The following SAP130 variants were observed in gnomAD, a reference collection of about 807,000 sequenced individuals.
SAP130 encodes Sin3A associated protein 130.
Under a neutral mutation model 103.2 loss-of-function variants are expected in SAP130, and 16 were observed. The observed-to-expected ratio is 0.16, with a 90% CI of 0.10 to 0.24. The LOEUF (loss-of-function observed/expected upper bound fraction) is 0.24. Among genes scored for constraint, SAP130 ranks in the 10% least tolerant of loss-of-function variants. The pLI, the probability that SAP130 is intolerant of heterozygous loss-of-function variation, is 1.00. For missense variants in SAP130, 990 were observed against 1,359.7 expected (o/e 0.73, Z 4.28); for synonymous variants, 477 against 497.0 (o/e 0.96, Z 0.53).
intron 15 of SAP130, among the ~76,000 whole-genome samples, chr2:127,959,533 T>C (rs1192966916): frequency 2.0e-5 from 3 of 152,234 alleles, no homozygotes; most frequent in Non-Finnish European, 4.4e-5. Flanking sequence ...ACTGATCACC[T>C]GGCAGTAACA....
intron 15 of SAP130, among the ~76,000 whole-genome samples, chr2:127,958,224 C>T (rs1307329132): frequency 6.6e-6 from 1 of 152,194 alleles, no homozygotes; most frequent in East Asian, 1.9e-4. Flanking sequence ...ACCAGCCTGG[C>T]CAACATGGGG....
Position 127,986,419 on chromosome 2 carries a change from G to A in SAP130, c.1958+366C>T, listed in dbSNP as rs985427971. The stretch of plus-strand genomic sequence containing the variant: ...GAACTTTTCCCGTTTCAACAGCAAC[G>A]ATTCATGCTGAATGAAGTTTATAGT... On this transcript the variant is annotated intron_variant, in intron 14 of 20. Transcript: ENST00000643581. The surrounding 1 kb of genome is among the most constrained non-coding windows in gnomAD (Gnocchi z 4.7). Among the ~76,000 whole-genome samples the A allele has an allele frequency of 2.6e-5, 4 of 152,204 alleles. No individual in the cohort carries two copies. Among genetic ancestry groups the A allele is most frequent in the Non-Finnish European group, 5.9e-5 (4 of 68,030 alleles).
At chr2:127,982,180 A>T (rs1681993867) in intron 14 of SAP130, among the ~76,000 whole-genome samples, 1 of 150,854 alleles carries the variant, frequency 6.6e-6, no homozygotes. Flanking sequence ...CAAAAAAAAA[A>T]AATTTAGGGT....
In SAP130 at chr2:127,986,905, C is replaced by A; in HGVS notation, c.1838G>T (p.Ser613Ile). 3 of 1,614,098 alleles carry A rather than the reference C, an allele frequency of 1.9e-6. No individual in the cohort carries two copies. The highest frequency in any genetic ancestry group is 2.5e-6 in the Non-Finnish European group (3 of 1,179,954). The change falls in exon 14 of 21, where the codon AGT becomes ATT. Residue 613 changes from serine (S) to isoleucine (I), a missense_variant. Ser to Ile is a moderately radical substitution (Grantham distance 142). This residue lies in a region of SAP130 where 349 missense variants were observed against 384.1 expected (regional missense o/e 0.91). Coordinates refer to ENST00000643581, the MANE Select transcript of SAP130 (RefSeq NM_001330301.2). The surrounding 1 kb of genome is among the most constrained non-coding windows in gnomAD (Gnocchi z 4.7). ...IVANPISNPF[S>I]AAPAATTVVQ... The stretch of plus-strand genomic sequence containing the variant: ...CACGGTTGTTGCTGCTGGAGCAGCA[C>A]TGAATGGATTGCTAATAGGGTTGGC...
intron 2 of SAP130, among the ~76,000 whole-genome samples, chr2:128,018,829 G>C (rs1443668395): frequency 4.6e-5 from 7 of 151,078 alleles, no homozygotes; most frequent in Non-Finnish European, 1.0e-4. Context: ...TGGGGGCTGA[G>C]CACAGCCTGT....
chr2:127,960,344 G>C (rs1377527723), intron 15 of SAP130, among the ~76,000 whole-genome samples: 1 of 152,120 alleles, frequency 6.6e-6, no homozygotes, highest in Non-Finnish European at 1.5e-5. Context: ...ACCGAGTCCA[G>C]ACAGGCACCG....
chr2:127,944,970 G>GA (rs1198511632), intron 19 of SAP130, among the ~76,000 whole-genome samples: 1 of 150,998 alleles, frequency 6.6e-6, no homozygotes, highest in Non-Finnish European at 1.5e-5. Flanking sequence ...GAATGATGAT[G>GA]TGTGTGACTG....
At chr2:127,979,144 A>G (rs1681682947) in intron 14 of SAP130, among the ~76,000 whole-genome samples, 1 of 152,172 alleles carries the variant, frequency 6.6e-6, no homozygotes, top group Admixed American at 6.6e-5. Flanking sequence ...AAGGGAAGGG[A>G]GATTTGAGAC....
intron 12 of SAP130, 128 bp downstream of exon 12, chr2:127,993,059 T>C (rs1682921941): frequency 8.2e-7 from 1 of 1,216,634 alleles, no homozygotes; most frequent in Non-Finnish European, 1.2e-6. Context: ...AGCTTCACAT[T>C]TTATCTGAAT....
intron 3 of SAP130, among the ~76,000 whole-genome samples, chr2:128,017,212 C>T (rs1684844543): frequency 6.6e-6 from 1 of 152,170 alleles, no homozygotes; most frequent in Non-Finnish European, 1.5e-5. Context: ...ATACCAGCTA[C>T]TTGGGAGGCT....
At chr2:128,007,038 AAATTC>A (rs1194661764) in intron 7 of SAP130, among the ~76,000 whole-genome samples, 1 of 152,256 alleles carries the variant, frequency 6.6e-6, no homozygotes, top group Non-Finnish European at 1.5e-5. Flanking sequence ...GCATTCAACA[AAATTC>A]AATATCCAGG....
At position 127,942,346 on chromosome 2, in the gene SAP130, G is replaced by T. The variant is rs1003760128; in HGVS notation, c.3015+78C>A. ...TTACTGAAGATATGAGGGAGACGGG[G>T]GGAAACGGGAGAAGTAGGGCTTTAC... is the stretch of plus-strand genomic sequence containing the variant. On this transcript the variant is annotated intron_variant, in intron 20 of 20. Transcript: ENST00000643581. This position sits in a 1 kb window ranked among gnomAD's most constrained non-coding sequence, Gnocchi z 4.8. The T allele has an allele frequency of 1.2e-5, 14 of 1,148,684 alleles. No individual in the cohort carries two copies. The highest frequency in any genetic ancestry group is 4.6e-5 in the African/African-American group (3 of 65,844). The allele number at this position is 1,148,684 out of a possible 1,614,324, so 71.2% of individuals were successfully genotyped here.
chr2:128,026,375 G>T, intron 1 of SAP130, 77 bp from the exon 2 acceptor site: 1 of 1,010,694 alleles, frequency 9.9e-7, no homozygotes, highest in Non-Finnish European at 1.6e-6. Context: ...AGCATCTTTA[G>T]TACCTATGAG....
Position 127,945,468 on chromosome 2 carries a change from C to T in SAP130, c.2889G>A (p.Gln963=), listed in dbSNP as rs1679011417. 1 of 1,603,058 alleles carries T rather than the reference C, an allele frequency of 6.2e-7. No homozygotes were observed. The highest frequency in any genetic ancestry group is 8.5e-7 in the Non-Finnish European group (1 of 1,169,978). ...GAACTCCACCTACCAGCTGTAGTAA[C>T]TGGGCAGCACAGAGGTGGACTTTCC... ...QGWKVHLCAA[Q]LLQLTNLEHD... is the part of the protein sequence containing the mutation. The change falls in exon 19 of 21, where the codon CAG becomes CAA. Residue 963 remains glutamine, a synonymous_variant. Coordinates refer to ENST00000643581, the MANE Select transcript of SAP130 (RefSeq NM_001330301.2).
intron 15 of SAP130, among the ~76,000 whole-genome samples, chr2:127,973,316 T>G (rs998758655): frequency 6.6e-6 from 1 of 152,240 alleles, no homozygotes; most frequent in Non-Finnish European, 1.5e-5. Context: ...CACTGCAACC[T>G]CTGCCTCCTG....
intron 7 of SAP130, among the ~76,000 whole-genome samples, chr2:128,007,475 T>C (rs1416849020): frequency 6.6e-6 from 1 of 152,222 alleles, no homozygotes; most frequent in Non-Finnish European, 1.5e-5. Context: ...GATGACTGTA[T>C]ATCCATTTAT....
chr2:127,980,896 T>TCAA (rs61511870), intron 14 of SAP130, among the ~76,000 whole-genome samples: 12 of 150,510 alleles, frequency 8.0e-5, no homozygotes, highest in Non-Finnish European at 8.9e-5. Flanking sequence ...GACCCCCATC[T>TCAA]CAACAACAAC....
intron 14 of SAP130, among the ~76,000 whole-genome samples, chr2:127,984,064 T>C (rs1020096098): frequency 2.0e-5 from 3 of 152,122 alleles, no homozygotes; most frequent in African/African-American, 4.8e-5. Flanking sequence ...GTTCTTTTTA[T>C]TGTTGTTTTA....
intron 16 of SAP130, among the ~76,000 whole-genome samples, chr2:127,952,887 G>A (rs1679589231): frequency 6.6e-6 from 1 of 152,054 alleles, no homozygotes; most frequent in South Asian, 2.1e-4. Context: ...ACTAGATCAT[G>A]GACTGCTTCT....
Sources: gnomAD v4.1 joint callset for allele counts (sites outside exome capture counted in the v4.1 genomes callset) on GRCh38, gnomAD v4.1.1 for gene constraint, gnomAD v4.1.1 regional missense constraint, Gnocchi (gnomAD v3.1) non-coding constraint, MANE v1.5 for transcripts, NCBI Gene and HGNC (gene_info 2026-07-23, HGNC 2026-07-21) for gene names.